The following AADAC variants were observed in gnomAD, a reference collection of about 807,000 sequenced individuals.
The protein encoded by AADAC is arylacetamide deacetylase, also known as arylacetamide deacetylase (esterase).
A neutral mutation model predicts 22.7 loss-of-function variants in AADAC; 17 were observed. The observed-to-expected ratio is 0.75, with a 90% CI of 0.51 to 1.12. The LOEUF (loss-of-function observed/expected upper bound fraction) is 1.12. AADAC is among the 50% of genes most tolerant of loss of function. The pLI is 0.00. For synonymous variants in AADAC, 167 were observed against 176.3 expected (o/e 0.95, Z 0.42); for missense variants, 465 against 473.9 (o/e 0.98, Z 0.17).
chr3:151,822,187 G>A (rs943130039), intron 3 of AADAC, among the ~76,000 whole-genome samples: 4 of 151,856 alleles, frequency 2.6e-5, no homozygotes, highest in African/African-American at 7.2e-5. Context: ...AATAACAAGC[G>A]TTAGTGGGGA....
At chr3:151,826,580 A>G (rs533752353) in intron 4 of AADAC, among the ~76,000 whole-genome samples, 2 of 152,062 alleles carry the variant, frequency 1.3e-5, no homozygotes, top group South Asian at 2.1e-4. Flanking sequence ...AGTTCTATAC[A>G]TCTTTTATAG....
At chr3:151,820,516 C>CT (rs34039248) in intron 3 of AADAC, 64 bp downstream of exon 3, 17,969 of 408,212 alleles carry the variant, frequency 0.044, 13 homozygotes, top group East Asian at 0.056. Context: ...TCTCAGCTTT[C>CT]TTTTTTTTTT....
rs1716194951 is a variant in AADAC, at chr3:151,820,458, A to G, written c.431+6A>G. ...GCTGTCGTCGTATCAACCAAGTAAG[A>G]GCTGTGCTGTTTGGTTTCCTGGCCA... On this transcript the variant is annotated splice_donor_region_variant and intron_variant, in intron 3 of 4. Transcript: ENST00000232892. The G allele has an allele frequency of 6.5e-7, 1 of 1,546,324 alleles. No individual in the cohort carries two copies. The highest frequency in any genetic ancestry group is 1.2e-5 in the South Asian group (1 of 81,842).
rs1433317862 is a variant in AADAC, at chr3:151,814,380, C to A, written c.138+80C>A. ...GAATTAAGTTTTTCAAGATTCTATT[C>A]TTTTGATTTATTGACTTATTCATCT... On this transcript the variant is annotated intron_variant, in intron 1 of 4. Transcript: ENST00000232892. 13 of 1,371,574 alleles carry A rather than the reference C, an allele frequency of 9.5e-6. No homozygotes were observed. In the African/African-American group the frequency reaches 1.0e-4, roughly 11 times the overall value. The allele number at this position is 1,371,574 out of a possible 1,614,324, so 85.0% of individuals were successfully genotyped here.
intron 1 of AADAC, among the ~76,000 whole-genome samples, chr3:151,816,962 G>A (rs1716013682): frequency 6.6e-6 from 1 of 151,904 alleles, no homozygotes; most frequent in African/African-American, 2.4e-5. Flanking sequence ...AAAGGTGTCA[G>A]ATTCTCAGTT....
Position 151,823,169 on chromosome 3 carries a change from G to A in AADAC, c.432-1494G>A, listed in dbSNP as rs373445755. The stretch of plus-strand genomic sequence containing the variant: ...GGTGGGCACCTGTAATCCCAGCTAC[G>A]CGGGAGGCTGAGGCAGGAGAATTGC... On this transcript the variant is annotated intron_variant, in intron 3 of 4. Transcript: ENST00000232892. Among the ~76,000 whole-genome samples, 530 of 151,576 alleles carry A rather than the reference G, an allele frequency of 3.5e-3. 5 individuals carry two copies. Among genetic ancestry groups the A allele is most frequent in the African/African-American group, 0.012 (495 of 41,380 alleles).
chr3:151,814,649 T>C (rs1399896068), intron 1 of AADAC, among the ~76,000 whole-genome samples: 2 of 152,126 alleles, frequency 1.3e-5, no homozygotes, highest in Non-Finnish European at 2.9e-5. Flanking sequence ...AGAGATCATC[T>C]GATTATGCAG....
Position 151,827,858 on chromosome 3 carries a change from G to A in AADAC, c.886G>A (p.Val296Ile). ...LLPERFIKGH[V>I]YNNPNYGSSE... ...CCCTGAGAGGTTTATAAAAGGACAT[G>A]TTTATAACAATCCAAATTATGGCAG... The change falls in exon 5 of 5, where the codon GTT becomes ATT. Residue 296 changes from valine (V) to isoleucine (I), a missense_variant. Val to Ile is a conservative substitution (Grantham distance 29). Coordinates refer to ENST00000232892, the MANE Select transcript of AADAC (RefSeq NM_001086.3). 2 of 1,612,932 alleles carry A rather than the reference G, an allele frequency of 1.2e-6. No individual in the cohort carries two copies. The highest frequency in any genetic ancestry group is 1.7e-6 in the Non-Finnish European group (2 of 1,179,520).
rs1296543522 is a variant in AADAC at position 151,820,448 on chromosome 3, A to T, written c.427A>T (p.Thr143Ser). 1 of 1,585,458 alleles carries T rather than the reference A, an allele frequency of 6.3e-7. No individual in the cohort carries two copies. Reference sequence around the variant, plus strand: ...CAGACTTGATGCTGTCGTCGTATCAACCAAGTAAGAGCTGTGCTGTTTGGT... The same window carrying T: ...CAGACTTGATGCTGTCGTCGTATCATCCAAGTAAGAGCTGTGCTGTTTGGT... ...ADRLDAVVVS[T>S]NYRLAPKYHF... The change falls in exon 3 of 5, where the codon ACC becomes TCC. Residue 143 changes from threonine to serine, a missense_variant. Transcript: ENST00000232892.
At chr3:151,827,542 G>T (rs1317687024) in intron 4 of AADAC, 34 bp from the exon 5 acceptor site, 1 of 1,362,532 alleles carries the variant, frequency 7.3e-7, no homozygotes, top group African/African-American at 1.5e-5. Flanking sequence ...TGTTTTAAAT[G>T]AAAATGATTT....
In AADAC at chr3:151,827,750, C is replaced by T. The variant is rs1716561476; in HGVS notation, c.778C>T (p.Leu260Phe). The T allele has an allele frequency of 6.2e-7, 1 of 1,613,188 alleles. No homozygotes were observed. Among genetic ancestry groups the T allele is most frequent in the Non-Finnish European group, 8.5e-7 (1 of 1,179,490 alleles). Residue 260 changes from leucine to phenylalanine, a missense_variant, in exon 5 of 5, where the codon CTT becomes TTT. By Grantham distance (22) the Leu-to-Phe change is conservative (BLOSUM62 0). Coordinates refer to ENST00000232892, the MANE Select transcript of AADAC (RefSeq NM_001086.3). The stretch of plus-strand genomic sequence containing the variant: ...TGAATATTTTACCACTGATAGATCA[C>T]TTGAAAAAGCCATGCTTTCCAGACA... ...WSEYFTTDRS[L>F]EKAMLSRQHV...
Position 151,817,561 on chromosome 3 carries a change from G to C in AADAC, c.334G>C (p.Gly112Arg), listed in dbSNP as rs748961275. ...ALRRGLFYIH[G>R]GGWCVGSAAL... Reference sequence around the variant, plus strand: ...AAGAAGGGGGTTGTTTTACATCCATGGTGGAGGCTGGTGCGTGGGAAGTGC... The same window carrying C: ...AAGAAGGGGGTTGTTTTACATCCATCGTGGAGGCTGGTGCGTGGGAAGTGC... Residue 112 changes from glycine to arginine, a missense_variant, in exon 2 of 5, where the codon GGT becomes CGT. By Grantham distance (125) the Gly-to-Arg change is moderately radical. Transcript: ENST00000232892. 6.2e-7 allele frequency: 1 copy of C among 1,613,656 alleles called. No homozygotes were observed. The highest frequency in any genetic ancestry group is 2.2e-5 in the East Asian group (1 of 44,888).
chr3:151,817,174 C>T (rs1183358365), intron 1 of AADAC, among the ~76,000 whole-genome samples, 192 bp from the exon 2 acceptor site: 2 of 151,994 alleles, frequency 1.3e-5, no homozygotes, highest in Non-Finnish European at 2.9e-5. Context: ...TGTATTCCCT[C>T]TTTTTTAAGA....
chr3:151,820,512 C>CTTGCTT, intron 3 of AADAC, 60 bp downstream of exon 3: 1 of 615,070 alleles, frequency 1.6e-6, no homozygotes. Context: ...ATTTTCTCAG[C>CTTGCTT]TTTCTTTTTT....
At chr3:151,824,115 T>C (rs1716365221) in intron 3 of AADAC, among the ~76,000 whole-genome samples, 1 of 151,974 alleles carries the variant, frequency 6.6e-6, no homozygotes, top group African/African-American at 2.4e-5. Flanking sequence ...TTCACTCTGA[T>C]TCTATGAATT....
Position 151,827,856 on chromosome 3 carries a change from A to G in AADAC, c.884A>G (p.His295Arg), listed in dbSNP as rs1398925733. 5 of 1,613,142 alleles carry G rather than the reference A, an allele frequency of 3.1e-6. No homozygotes were observed. The highest frequency in any genetic ancestry group is 3.4e-6 in the Non-Finnish European group (4 of 1,179,602). Residue 295 changes from histidine to arginine, a missense_variant, in exon 5 of 5, where the codon CAT becomes CGT. Transcript: ENST00000232892. ...SLLPERFIKG[H>R]VYNNPNYGSS... ...CTCCCTGAGAGGTTTATAAAAGGAC[A>G]TGTTTATAACAATCCAAATTATGGC...
chr3:151,828,310 T>G lies in AADAC; in HGVS notation c.*138T>G. The G allele has an allele frequency of 2.2e-6, 1 of 459,526 alleles. No homozygotes were observed. Among genetic ancestry groups the G allele is most frequent in the Non-Finnish European group, 3.7e-6 (1 of 272,206 alleles). 28.5% of individuals were successfully genotyped at this position (459,526 alleles called of 1,614,324 possible). A position where few individuals can be genotyped will look rare whatever the true frequency, so the allele number is the denominator to read the frequency against. ...ATTCTTAAATAGGCACTTTTCTGTT[T>G]TTTTTTTCTTACTGTGGGATTTCAT... On this transcript the variant is annotated 3_prime_UTR_variant, in exon 5 of 5. Transcript: ENST00000232892.
At chr3:151,827,226 C>T (rs1323532003) in intron 4 of AADAC, among the ~76,000 whole-genome samples, 1 of 151,862 alleles carries the variant, frequency 6.6e-6, no homozygotes, top group African/African-American at 2.4e-5. Flanking sequence ...TTAATAAACT[C>T]TTACATGAAC....
At position 151,814,226 on chromosome 3, in the gene AADAC, C is replaced by T. The variant is rs1715881434; in HGVS notation, c.64C>T (p.Pro22Ser). The T allele has an allele frequency of 6.2e-7, 1 of 1,612,982 alleles. No homozygotes were observed. The highest frequency in any genetic ancestry group is 8.5e-7 in the Non-Finnish European group (1 of 1,179,196). ...CCTCATAGCATATTATATTTATACG[C>T]CTCTCCCAGATAACGTTGAGGAGCC... ...GILIAYYIYT[P>S]LPDNVEEPWR... The change falls in exon 1 of 5, where the codon CCT becomes TCT. Residue 22 changes from proline (P) to serine (S), a missense_variant. Physicochemically the swap from Pro to Ser is moderately conservative, Grantham distance 74 (BLOSUM62 -1). Coordinates refer to ENST00000232892, the MANE Select transcript of AADAC (RefSeq NM_001086.3).
Sources: gnomAD v4.1 joint callset for allele counts (sites outside exome capture counted in the v4.1 genomes callset) on GRCh38, gnomAD v4.1.1 for gene constraint, MANE v1.5 for transcripts, NCBI Gene and HGNC (gene_info 2026-07-23, HGNC 2026-07-21) for gene names.